CSMD2: variants seen among roughly 807,000 people sequenced by gnomAD.
CSMD2 encodes the protein CUB and sushi domain-containing protein 2.
Under a neutral mutation model 398.5 loss-of-function variants are expected in CSMD2, and 130 were observed. The observed-to-expected ratio is 0.33, with a 90% CI of 0.28 to 0.38. The LOEUF (loss-of-function observed/expected upper bound fraction) is 0.38, where lower values mean the gene tolerates loss of function less well. Among genes scored for constraint, CSMD2 ranks in the 10% least tolerant of loss-of-function variants. The probability of loss-of-function intolerance (pLI) is 1.00; values close to 1 mark genes in which losing one functional copy is unlikely to be tolerated. For missense variants in CSMD2, 3,829 were observed against 4,764.9 expected (o/e 0.80, Z 5.78); for synonymous variants, 1,828 against 1,908.5 (o/e 0.96, Z 1.10).
At chr1:33,970,956 T>C (rs564711481) in intron 3 of CSMD2, among the ~76,000 whole-genome samples, 1 of 152,200 alleles carries the variant, frequency 6.6e-6, no homozygotes, top group Non-Finnish European at 1.5e-5. Context: ...AAAATCAGGA[T>C]GATAACAATC....
At chr1:33,880,011 T>C (rs2125170443) in intron 5 of CSMD2, among the ~76,000 whole-genome samples, 1 of 152,264 alleles carries the variant, frequency 6.6e-6, no homozygotes, top group East Asian at 1.9e-4. Context: ...GATCCTATTA[T>C]CCAAAATTTT....
intron 6 of CSMD2, among the ~76,000 whole-genome samples, chr1:33,830,796 C>T (rs1329157020): frequency 2.6e-5 from 4 of 152,090 alleles, no homozygotes; most frequent in African/African-American, 4.8e-5. Flanking sequence ...CTAGAATAAC[C>T]AATACAGAGA....
chr1:34,047,555 C>T (rs1421888841), intron 2 of CSMD2, among the ~76,000 whole-genome samples: 2 of 152,156 alleles, frequency 1.3e-5, no homozygotes, highest in Non-Finnish European at 2.9e-5. Context: ...TGTGTGAATT[C>T]CACGAGGGCA....
chr1:34,067,235 A>C (rs776271342), intron 2 of CSMD2, among the ~76,000 whole-genome samples: 14 of 152,358 alleles, frequency 9.2e-5, no homozygotes, highest in Admixed American at 7.2e-4. Flanking sequence ...TGAGAATGAA[A>C]CACACATCAT....
At chr1:33,900,114 CAGA>C (rs930834370) in intron 5 of CSMD2, among the ~76,000 whole-genome samples, 5 of 152,154 alleles carry the variant, frequency 3.3e-5, no homozygotes, top group African/African-American at 9.7e-5. Context: ...CATGAAAGGG[CAGA>C]AGAAGGACAC....
intron 5 of CSMD2, among the ~76,000 whole-genome samples, chr1:33,881,365 G>A (rs1641229448): frequency 1.3e-5 from 2 of 152,330 alleles, no homozygotes; most frequent in Admixed American, 1.3e-4. Context: ...TTCTGTAGGA[G>A]AAAGGGGCAG....
At chr1:33,724,366 C>A (rs373790902) in intron 18 of CSMD2, 53 bp from the exon 19 acceptor site, 2 of 1,510,376 alleles carry the variant, frequency 1.3e-6, no homozygotes, top group East Asian at 2.3e-5. Context: ...CAGGGAGCAC[C>A]CCCGTCATCC....
At chr1:33,747,760 A>G (rs1368636999) in intron 13 of CSMD2, among the ~76,000 whole-genome samples, 1 of 152,204 alleles carries the variant, frequency 6.6e-6, no homozygotes, top group Non-Finnish European at 1.5e-5. Flanking sequence ...GGGCCAAGAT[A>G]GCTCAGGCTT....
chr1:33,706,627 T>C (rs1645786572), intron 22 of CSMD2, among the ~76,000 whole-genome samples: 1 of 152,140 alleles, frequency 6.6e-6, no homozygotes, highest in Admixed American at 6.5e-5. Flanking sequence ...ACATATCCAG[T>C]TAATTTTCTT....
intron 36 of CSMD2, 38 bp downstream of exon 36, chr1:33,623,332 C>A: frequency 7.5e-7 from 1 of 1,335,288 alleles, no homozygotes; most frequent in Non-Finnish European, 1.1e-6. Flanking sequence ...AGCTCTAGTA[C>A]TACCCTCCAA....
intron 4 of CSMD2, among the ~76,000 whole-genome samples, chr1:33,930,224 T>A (rs1644267414): frequency 6.6e-6 from 1 of 152,176 alleles, no homozygotes; most frequent in African/African-American, 2.4e-5. Context: ...GTGAATAAAA[T>A]GAGGACACAA....
chr1:34,087,441 G>A (rs1658012716), intron 2 of CSMD2, among the ~76,000 whole-genome samples: 1 of 151,574 alleles, frequency 6.6e-6, no homozygotes. Flanking sequence ...TGGACAAAGG[G>A]AGGGGAACAT....
Position 33,985,897 on chromosome 1 carries a change from G to A in CSMD2, c.517+46697C>T, listed in dbSNP as rs190053752. On this transcript the variant is annotated intron_variant, in intron 3 of 70. Coordinates refer to ENST00000373381, the MANE Select transcript of CSMD2 (RefSeq NM_001281956.2). ...CCTCAGTCCACTCGCAGGCTGCCAG[G>A]GCACAGCGACTCATGTTCTGGTGGA... 7.1e-3 allele frequency among the ~76,000 whole-genome samples: 1,075 copies of A among 152,234 alleles called. 7 individuals carry two copies. Among genetic ancestry groups the A allele is most frequent in the Non-Finnish European group, 0.011 (755 of 68,012 alleles).
At chr1:33,641,081 C>A (rs1362294681) in intron 29 of CSMD2, among the ~76,000 whole-genome samples, 1 of 152,198 alleles carries the variant, frequency 6.6e-6, no homozygotes, top group African/African-American at 2.4e-5. Flanking sequence ...TCTACTTAAC[C>A]TTTAGGGCTC....
chr1:33,556,998 G>T (rs181333897), intron 55 of CSMD2, among the ~76,000 whole-genome samples: 2 of 152,044 alleles, frequency 1.3e-5, no homozygotes, highest in African/African-American at 2.4e-5. Context: ...TATAGCAGTG[G>T]GAGAACAGAC....
intron 3 of CSMD2, among the ~76,000 whole-genome samples, chr1:33,973,083 G>A (rs572367879): frequency 6.6e-6 from 1 of 152,254 alleles, no homozygotes; most frequent in East Asian, 1.9e-4. Context: ...CACCCCTCCA[G>A]ACCCAGGCCC....
At chr1:33,666,101 T>C (rs2149011088) in intron 25 of CSMD2, among the ~76,000 whole-genome samples, 1 of 152,316 alleles carries the variant, frequency 6.6e-6, no homozygotes, top group East Asian at 1.9e-4. Context: ...CAGTGATCTC[T>C]CCTTTCCCTA....
At chr1:33,980,922 G>C (rs12034181) in intron 3 of CSMD2, among the ~76,000 whole-genome samples, 12,441 of 152,272 alleles carry the variant, frequency 0.082, 1,386 homozygotes, top group East Asian at 0.5. Context: ...GCAAAGGTCA[G>C]GTAGTGGGAG....
At chr1:34,147,516 G>A (rs1232374509) in intron 1 of CSMD2, among the ~76,000 whole-genome samples, 1 of 152,024 alleles carries the variant, frequency 6.6e-6, no homozygotes, top group Non-Finnish European at 1.5e-5. Flanking sequence ...CCCTAGGCTG[G>A]AGCACCTCCC....
Sources: gnomAD v4.1 joint callset for allele counts (sites outside exome capture counted in the v4.1 genomes callset) on GRCh38, gnomAD v4.1.1 for gene constraint, MANE v1.5 for transcripts, NCBI Gene and HGNC (gene_info 2026-07-23, HGNC 2026-07-21) for gene names.